Variants in NLRP14 observed in about 807,000 individuals in gnomAD.
NLRP14 encodes the protein NACHT, LRR and PYD domains-containing protein 14.
In NLRP14, 105 loss-of-function variants were observed where a neutral mutation model predicts 94.7. That is an observed-to-expected ratio of 1.11 (90% confidence interval 0.95 to 1.30). NLRP14 has a LOEUF of 1.30. NLRP14 is among the 50% of genes most tolerant of loss of function. The probability of loss-of-function intolerance (pLI) is 0.00; values close to 1 mark genes in which losing one functional copy is unlikely to be tolerated. For missense variants in NLRP14, 1,362 were observed against 1,254.1 expected (o/e 1.09, Z -1.30); for synonymous variants, 508 against 459.9 (o/e 1.10, Z -1.34).
chr11:7,083,908 A>G, the NLRP14 span, among the ~76,000 whole-genome samples: 1 of 152,162 alleles, frequency 6.6e-6, no homozygotes, highest in South Asian at 2.1e-4. Flanking sequence ...GCAGTTTTAC[A>G]TTGCTCTCTG....
chr11:7,074,983 G>C (rs889763635), downstream of NLRP14, among the ~76,000 whole-genome samples: 6 of 152,142 alleles, frequency 3.9e-5, no homozygotes, highest in African/African-American at 1.2e-4. Flanking sequence ...TGTCTTTTTG[G>C]TGCACCTGGG....
intron 6 of NLRP14, among the ~76,000 whole-genome samples, chr11:7,051,084 G>A (rs751149708): frequency 7.9e-5 from 12 of 152,170 alleles, no homozygotes; most frequent in South Asian, 4.1e-4. Context: ...AATGTCGTCC[G>A]CTGGTAAGCC....
chr11:7,044,246 A>G (rs1480753462), intron 4 of NLRP14, among the ~76,000 whole-genome samples: 2 of 152,198 alleles, frequency 1.3e-5, no homozygotes, highest in Non-Finnish European at 2.9e-5. Context: ...GAGGACTCTC[A>G]ATTGTTGACA....
At chr11:7,023,193 G>A (rs979352778) in intron 1 of NLRP14, among the ~76,000 whole-genome samples, 26 of 150,562 alleles carry the variant, frequency 1.7e-4, no homozygotes, top group Non-Finnish European at 2.7e-4. Context: ...GAAAGAATAC[G>A]AATACCTGAA....
rs749281107 is a variant in NLRP14 at position 7,038,581 on chromosome 11, G to A, written c.-6G>A. 6.8e-6 allele frequency: 11 copies of A among 1,612,976 alleles called. No individual in the cohort carries two copies. The South Asian group carries it at 8.8e-5, about 13-fold the overall frequency. On this transcript the variant is annotated 5_prime_UTR_variant, in exon 2 of 12. An upstream open reading frame in the 5' UTR gains an earlier in-frame stop. Coordinates refer to ENST00000299481, the MANE Select transcript of NLRP14 (RefSeq NM_176822.4). ...CCCCCCACAGAGGCCTGAATATTTG[G>A]ACAAGATGGCAGATTCATCATCATC...
chr11:7,071,147 A>G, intron 11 of NLRP14, 26 bp from the exon 12 acceptor site: 1 of 1,613,788 alleles, frequency 6.2e-7, no homozygotes, highest in African/African-American at 1.3e-5. Context: ...GAATGCAGGA[A>G]AAGAGATGTT....
At chr11:7,048,760 C>G (rs80256001) in intron 5 of NLRP14, among the ~76,000 whole-genome samples, 2,631 of 152,236 alleles carry the variant, frequency 0.017, 91 homozygotes, top group African/African-American at 0.06. Context: ...ATAGCCAATG[C>G]CTTCTTGGTT....
Position 7,039,700 on chromosome 11 carries a change from G to C in NLRP14, c.290-14G>C. ...TTTCATTAAATATCATGATCCTATC[G>C]GAACCTGTTGCAGGGTCGGCCCAGA... On this transcript the variant is annotated splice_polypyrimidine_tract_variant and intron_variant, in intron 2 of 11. Transcript: ENST00000299481. 6.2e-7 allele frequency: 1 copy of C among 1,607,062 alleles called. No homozygotes were observed. Among genetic ancestry groups the C allele is most frequent in the South Asian group, 1.1e-5 (1 of 90,890 alleles).
Position 7,057,691 on chromosome 11 carries a change from A to C in NLRP14, c.2306A>C (p.Asn769Thr), listed in dbSNP as rs1852537712. The change falls in exon 7 of 12, where the codon AAC (asparagine) becomes ACC (threonine). Residue 769 changes from asparagine (N) to threonine (T), a missense_variant. Physicochemically the swap from Asn to Thr is moderately conservative, Grantham distance 65 (BLOSUM62 0). Coordinates refer to ENST00000299481, the MANE Select transcript of NLRP14 (RefSeq NM_176822.4). ...KLQTLRLESC[N>T]LTVFCCLNIS... ...TTGTTTTCCAGGCTGGAATCTTGCAACCTAACTGTATTTTGTTGTCTAAAT... is the reference window on the plus strand; with the variant it reads ...TTGTTTTCCAGGCTGGAATCTTGCACCCTAACTGTATTTTGTTGTCTAAAT... 6.2e-7 allele frequency: 1 copy of C among 1,612,412 alleles called. No homozygotes were observed. The highest frequency in any genetic ancestry group is 8.5e-7 in the Non-Finnish European group (1 of 1,178,832).
intron 1 of NLRP14, among the ~76,000 whole-genome samples, chr11:7,021,715 T>A (rs988638887): frequency 1.3e-5 from 2 of 151,918 alleles, no homozygotes; most frequent in Non-Finnish European, 2.9e-5. Context: ...TGTATACATG[T>A]GCCATGTTGG....
chr11:7,089,704 G>A, the NLRP14 span: 4 of 1,495,168 alleles, frequency 2.7e-6, no homozygotes, highest in African/African-American at 4.2e-5. Flanking sequence ...GGCCCACCGC[G>A]CCGGGAGCCG....
downstream of NLRP14, among the ~76,000 whole-genome samples, chr11:7,075,335 A>G (rs1449548947): frequency 2.6e-5 from 4 of 152,220 alleles, no homozygotes; most frequent in East Asian, 7.7e-4. Context: ...TTTAATTAAA[A>G]TATACTATGA....
chr11:7,070,690 A>G (rs753526830), intron 11 of NLRP14, among the ~76,000 whole-genome samples: 10 of 152,084 alleles, frequency 6.6e-5, no homozygotes, highest in Admixed American at 1.3e-4. Context: ...TGACCCTACC[A>G]CTTACTAAAT....
At chr11:7,034,191 T>C (rs1403820322) in intron 1 of NLRP14, among the ~76,000 whole-genome samples, 1 of 152,186 alleles carries the variant, frequency 6.6e-6, no homozygotes, top group Non-Finnish European at 1.5e-5. Flanking sequence ...TTTGTCTCTT[T>C]TCTCTCATAT....
chr11:7,041,321 T>C (rs1852245021), intron 3 of NLRP14, among the ~76,000 whole-genome samples: 1 of 152,182 alleles, frequency 6.6e-6, no homozygotes, highest in African/African-American at 2.4e-5. Context: ...AAAGTGAGTT[T>C]CTCACTCTTC....
At chr11:7,024,309 G>C (rs1423331159) in intron 1 of NLRP14, among the ~76,000 whole-genome samples, 1 of 152,102 alleles carries the variant, frequency 6.6e-6, no homozygotes, top group East Asian at 1.9e-4. Context: ...TGCTAACGTA[G>C]TTTTCCAAAA....
the NLRP14 span, chr11:7,090,505 T>C: frequency 1.5e-6 from 1 of 664,890 alleles, no homozygotes; most frequent in Non-Finnish European, 2.6e-6. Flanking sequence ...TGTTAACGTT[T>C]CTTTCAACAA....
intron 6 of NLRP14, among the ~76,000 whole-genome samples, chr11:7,055,158 TGTG>T (rs554359798): frequency 1.1e-3 from 172 of 152,246 alleles, no homozygotes; most frequent in African/African-American, 4.0e-3. Context: ...TATTTATCAT[TGTG>T]GTAAAACCAA....
chr11:7,044,516 T>C lies in NLRP14; in HGVS notation c.1958+532T>C, dbSNP rs572334607. Among the ~76,000 whole-genome samples the C allele has an allele frequency of 7.2e-5, 11 of 152,320 alleles. No homozygotes were observed. In the South Asian group the frequency reaches 2.3e-3, roughly 32 times the overall value. The stretch of plus-strand genomic sequence containing the variant: ...TTTGTTTTGTAGTTTGTGAAGGGTC[T>C]CAGCCCTTTAATGCCTATCTGGAGA... On this transcript the variant is annotated intron_variant, in intron 4 of 11. Transcript: ENST00000299481.
Sources: allele counts gnomAD v4.1 joint callset (sites outside exome capture counted in the v4.1 genomes callset), GRCh38; gene constraint gnomAD v4.1.1; transcripts MANE v1.5; gene names NCBI Gene and HGNC (gene_info 2026-07-23, HGNC 2026-07-21).